Variants in DACH2 observed in about 807,000 individuals in gnomAD.
DACH2 encodes dachshund family transcription factor 2, also known as dachshund homolog 2.
In DACH2, 17 loss-of-function variants were observed where a neutral mutation model predicts 35.8. That is an observed-to-expected ratio of 0.48 (90% CI 0.33 to 0.71). The LOEUF (loss-of-function observed/expected upper bound fraction) is 0.71. Ranked by LOEUF, DACH2 falls within the 30% of genes least tolerant of loss-of-function variation. The pLI, the probability that DACH2 is intolerant of heterozygous loss-of-function variation, is 0.02. For synonymous variants in DACH2, 195 were observed against 177.3 expected (o/e 1.10, Z -0.79); for missense variants, 469 against 472.7 (o/e 0.99, Z 0.07).
At chrX:86,728,077 T>C (rs2041491380) in intron 6 of DACH2, among the ~76,000 whole-genome samples, 1 of 112,043 alleles carries the variant, frequency 8.9e-6, no homozygotes, top group Admixed American at 9.5e-5. Flanking sequence ...AAAATGCTGA[T>C]GGTGATATGG....
intron 2 of DACH2, among the ~76,000 whole-genome samples, chrX:86,475,625 A>T (rs1478672217): frequency 8.9e-6 from 1 of 111,796 alleles, no homozygotes; most frequent in Non-Finnish European, 1.9e-5. Context: ...CATATCATCT[A>T]CAAACAATGA....
intron 7 of DACH2, chrX:86,799,028 CA>C: frequency 3.8e-6 from 1 of 265,051 alleles, no homozygotes; most frequent in Non-Finnish European, 7.1e-6. Flanking sequence ...TCAGAATTTG[CA>C]GATTTTATAG....
intron 1 of DACH2, among the ~76,000 whole-genome samples, chrX:86,374,282 A>C (rs187349240): frequency 6.3e-5 from 7 of 111,488 alleles, no homozygotes; most frequent in African/African-American, 2.3e-4. Context: ...AAAGTATGAA[A>C]ATTTATTTAT....
At chrX:86,278,373 C>A (rs1261866071) in intron 1 of DACH2, among the ~76,000 whole-genome samples, 2 of 111,925 alleles carry the variant, frequency 1.8e-5, no homozygotes, top group African/African-American at 6.5e-5. Context: ...ACTACCACTT[C>A]TTCAAGCATC....
intron 2 of DACH2, among the ~76,000 whole-genome samples, chrX:86,419,446 G>A (rs1427644515): frequency 8.9e-6 from 1 of 111,964 alleles, no homozygotes; most frequent in Non-Finnish European, 1.9e-5. Context: ...CAGGCAAAAA[G>A]CAAGAGAGCT....
chrX:86,368,641 C>T (rs2035840780), intron 1 of DACH2, among the ~76,000 whole-genome samples: 1 of 106,318 alleles, frequency 9.4e-6, no homozygotes, highest in African/African-American at 3.5e-5. Flanking sequence ...TAGCTCACTG[C>T]AGGTTGAAAT....
intron 1 of DACH2, among the ~76,000 whole-genome samples, chrX:86,158,089 T>C (rs2147860567): frequency 9.0e-6 from 1 of 111,378 alleles, no homozygotes; most frequent in East Asian, 2.8e-4. Flanking sequence ...TAAAATATTA[T>C]ATATGTAGTC....
chrX:86,705,531 C>T (rs923408950), intron 5 of DACH2, among the ~76,000 whole-genome samples: 3 of 111,023 alleles, frequency 2.7e-5, no homozygotes, highest in Non-Finnish European at 5.7e-5. Context: ...CAAATTAAAA[C>T]CACAACGAGA....
At chrX:86,644,334 A>G (rs1031232882) in intron 3 of DACH2, among the ~76,000 whole-genome samples, 1 of 111,437 alleles carries the variant, frequency 9.0e-6, no homozygotes, top group African/African-American at 3.3e-5. Context: ...TGTCACAAGA[A>G]ATTAAAATAC....
intron 1 of DACH2, among the ~76,000 whole-genome samples, chrX:86,337,533 A>T (rs1439229127): frequency 9.1e-6 from 1 of 110,462 alleles, no homozygotes; most frequent in Non-Finnish European, 1.9e-5. Context: ...ACACCTTACA[A>T]GTCTGCCTTA....
At chrX:86,705,050 C>CATAT (rs753181886) in intron 5 of DACH2, among the ~76,000 whole-genome samples, 1 of 75,284 alleles carries the variant, frequency 1.3e-5, no homozygotes, top group South Asian at 5.5e-4. Flanking sequence ...ATATATCTCA[C>CATAT]ATATATATAT....
intron 3 of DACH2, among the ~76,000 whole-genome samples, chrX:86,546,639 C>T (rs1602632527): frequency 1.9e-5 from 2 of 104,759 alleles, no homozygotes; most frequent in South Asian, 8.8e-4. Context: ...CTCAGCCTCC[C>T]GAGTAGCTGG....
chrX:86,458,629 A>G (rs982358051), intron 2 of DACH2, among the ~76,000 whole-genome samples: 1 of 112,196 alleles, frequency 8.9e-6, no homozygotes, highest in Non-Finnish European at 1.9e-5. Context: ...TAAATAAGAC[A>G]TTATCATAGT....
At chrX:86,217,023 G>A (rs911603289) in intron 1 of DACH2, among the ~76,000 whole-genome samples, 3 of 109,304 alleles carry the variant, frequency 2.7e-5, no homozygotes, top group African/African-American at 6.7e-5. Flanking sequence ...CCTGGAAGGC[G>A]GAGGTTGCAG....
chrX:86,330,011 G>T (rs986372041), intron 1 of DACH2, among the ~76,000 whole-genome samples: 2 of 111,687 alleles, frequency 1.8e-5, no homozygotes, highest in Non-Finnish European at 3.8e-5. Flanking sequence ...AACTAGAATA[G>T]TGGTCACTGG....
chrX:86,637,246 A>AAAAAAAAAG (rs2040282352), intron 3 of DACH2, among the ~76,000 whole-genome samples: 6 of 81,848 alleles, frequency 7.3e-5, no homozygotes, highest in Admixed American at 1.4e-4. Flanking sequence ...AAAAAAAAAA[A>AAAAAAAAAG]CAGATGCTGG....
In DACH2 at chrX:86,289,281, T is replaced by C. The variant is rs146986361; in HGVS notation, c.489-87543T>C. On this transcript the variant is annotated intron_variant, in intron 1 of 11. Transcript: ENST00000373125. ...TGCAAGACAAAGTCCTCCTCACTCT[T>C]ATCTCTCCTCTCCTCAAGCAGAAGG... 4.0e-3 allele frequency among the ~76,000 whole-genome samples: 429 copies of C among 106,123 alleles called. 2 individuals carry two copies. The East Asian group carries it at 0.046, about 11-fold the overall frequency. 92.2% of individuals were successfully genotyped at this position (106,123 alleles called of 115,157 possible). A position where few individuals can be genotyped will look rare whatever the true frequency, so the allele number is the denominator to read the frequency against.
chrX:86,316,179 A>C (rs947205232), intron 1 of DACH2, among the ~76,000 whole-genome samples: 2 of 109,798 alleles, frequency 1.8e-5, no homozygotes, highest in African/African-American at 6.6e-5. Context: ...GCCTGTTCCC[A>C]GACATCTTCT....
chrX:86,504,477 CTTATTTAT>C (rs200198428), intron 2 of DACH2, among the ~76,000 whole-genome samples: 1,976 of 101,687 alleles, frequency 0.019, 48 homozygotes, highest in African/African-American at 0.063. Flanking sequence ...AAAAATAGAT[CTTATTTAT>C]TTATTTATTT....
Sources: allele counts gnomAD v4.1 joint callset (sites outside exome capture counted in the v4.1 genomes callset), GRCh38; gene constraint gnomAD v4.1.1; transcripts MANE v1.5; gene names NCBI Gene and HGNC (gene_info 2026-07-23, HGNC 2026-07-21).